Variants in MAP2 observed in about 807,000 individuals in gnomAD.
MAP2 encodes microtubule-associated protein 2.
Under a neutral mutation model 137.6 loss-of-function variants are expected in MAP2, and 14 were observed. The observed-to-expected ratio is 0.10, with a 90% CI of 0.07 to 0.16. The LOEUF (loss-of-function observed/expected upper bound fraction) is 0.16, where lower values mean the gene tolerates loss of function less well. MAP2 is among the 10% of genes least tolerant of loss of function. The pLI is 1.00. For synonymous variants in MAP2, 786 were observed against 782.3 expected (o/e 1.00, Z -0.08); for missense variants, 2,088 against 2,191.5 (o/e 0.95, Z 0.94).
At chr2:209,637,582 A>G (rs1300683891) in intron 4 of MAP2, among the ~76,000 whole-genome samples, 1 of 152,148 alleles carries the variant, frequency 6.6e-6, no homozygotes, top group East Asian at 1.9e-4. Flanking sequence ...AATGGGAGCG[A>G]TCAGTCCACA....
chr2:209,730,753 C>T lies in MAP2; in HGVS notation c.*356C>T, dbSNP rs1443285851. The T allele has an allele frequency of 5.1e-6, 1 of 196,122 alleles. No homozygotes were observed. The highest frequency in any genetic ancestry group is 1.1e-5 in the Non-Finnish European group (1 of 95,194). 12.1% of individuals were successfully genotyped at this position (196,122 alleles called of 1,614,324 possible). ...AGGCCTTGTTAAAATCCAAGCTGCT[C>T]ATTTCACTATTCTGTTTCTGAGTGA... On this transcript the variant is annotated 3_prime_UTR_variant, in exon 16 of 16. Coordinates refer to ENST00000682079, the MANE Select transcript of MAP2 (RefSeq NM_001375505.1).
chr2:209,449,098 CTAG>C (rs1699764765), intron 1 of MAP2, among the ~76,000 whole-genome samples: 1 of 152,106 alleles, frequency 6.6e-6, no homozygotes, highest in Non-Finnish European at 1.5e-5. Flanking sequence ...TGATTTTTTT[CTAG>C]GCATTAGAAT....
chr2:209,516,506 A>G (rs961109909), intron 2 of MAP2, among the ~76,000 whole-genome samples: 2 of 152,138 alleles, frequency 1.3e-5, no homozygotes, highest in Non-Finnish European at 2.9e-5. Flanking sequence ...AGACCAATAG[A>G]GGAGAATCAG....
intron 7 of MAP2, among the ~76,000 whole-genome samples, chr2:209,685,727 A>G (rs1300485952): frequency 6.6e-6 from 1 of 152,220 alleles, no homozygotes; most frequent in Admixed American, 6.5e-5. Context: ...TTTTCAGAAT[A>G]GAAAATACCA....
chr2:209,631,374 A>T (rs977563640), intron 4 of MAP2, among the ~76,000 whole-genome samples: 1 of 152,126 alleles, frequency 6.6e-6, no homozygotes, highest in Non-Finnish European at 1.5e-5. Context: ...TGAGTTTGGG[A>T]TGCTTTAAAA....
intron 1 of MAP2, among the ~76,000 whole-genome samples, chr2:209,452,907 C>T (rs1414973186): frequency 6.6e-6 from 1 of 152,038 alleles, no homozygotes; most frequent in African/African-American, 2.4e-5. Context: ...CACTATTGAT[C>T]TTTTATATAT....
intron 7 of MAP2, 102 bp downstream of exon 7, chr2:209,680,929 A>C: frequency 1.3e-6 from 1 of 761,982 alleles, no homozygotes; most frequent in Middle Eastern, 2.5e-4. Context: ...GTATGTGACC[A>C]AGCTTTGGAG....
At chr2:209,577,372 C>T (rs2075524231) in intron 2 of MAP2, among the ~76,000 whole-genome samples, 1 of 151,902 alleles carries the variant, frequency 6.6e-6, no homozygotes, top group Admixed American at 6.6e-5. Flanking sequence ...ATGATGGTGG[C>T]AGCAACTGTC....
intron 2 of MAP2, among the ~76,000 whole-genome samples, chr2:209,545,247 T>A (rs576830310): frequency 1.3e-5 from 2 of 152,230 alleles, no homozygotes; most frequent in African/African-American, 4.8e-5. Flanking sequence ...ACCATCTGTC[T>A]GTGCTTAAGA....
chr2:209,677,230 C>T (rs994295258), intron 5 of MAP2, among the ~76,000 whole-genome samples: 12 of 151,916 alleles, frequency 7.9e-5, no homozygotes, highest in African/African-American at 2.9e-4. Flanking sequence ...GTGAAAAATT[C>T]TATTCCAACA....
At chr2:209,623,257 G>T (rs977468781) in intron 3 of MAP2, among the ~76,000 whole-genome samples, 2 of 152,160 alleles carry the variant, frequency 1.3e-5, no homozygotes, top group African/African-American at 4.8e-5. Context: ...CGTGGGAGTG[G>T]CTATGTGCCA....
chr2:209,549,090 G>A (rs1012519144), intron 2 of MAP2, among the ~76,000 whole-genome samples: 10 of 152,134 alleles, frequency 6.6e-5, no homozygotes, highest in South Asian at 2.1e-4. Context: ...ATGTTCAGCC[G>A]TCACATCTAT....
chr2:209,440,031 T>C (rs1462221098), intron 1 of MAP2, among the ~76,000 whole-genome samples: 1 of 151,558 alleles, frequency 6.6e-6, no homozygotes, highest in Non-Finnish European at 1.5e-5. Context: ...CACATAATTT[T>C]TATGGAATAG....
intron 4 of MAP2, among the ~76,000 whole-genome samples, chr2:209,631,005 C>CAAAAAAAAAAAAAA (rs776266690): frequency 0.012 from 507 of 42,138 alleles, 217 homozygotes; most frequent in Non-Finnish European, 0.019. Context: ...GAGCTACAAG[C>CAAAAAAAAAAAAAA]AAAAAAAAAA....
intron 5 of MAP2, among the ~76,000 whole-genome samples, chr2:209,673,264 A>G (rs1446402337): frequency 6.6e-6 from 1 of 151,766 alleles, no homozygotes; most frequent in Non-Finnish European, 1.5e-5. Flanking sequence ...TTGTGAGCAG[A>G]TCCAAGTTGT....
At chr2:209,573,266 T>C (rs1160113425) in intron 2 of MAP2, among the ~76,000 whole-genome samples, 1 of 150,630 alleles carries the variant, frequency 6.6e-6, no homozygotes, top group African/African-American at 2.4e-5. Context: ...TTTATCTTTC[T>C]TTTTTTTTCT....
At chr2:209,703,963 AT>A (rs1334818385) in intron 11 of MAP2, 1 of 455,454 alleles carries the variant, frequency 2.2e-6, no homozygotes, top group East Asian at 7.0e-5. Flanking sequence ...TGTATAACAG[AT>A]TTTTTATTTT....
chr2:209,483,370 A>C (rs1049821488), intron 1 of MAP2, among the ~76,000 whole-genome samples: 2 of 152,196 alleles, frequency 1.3e-5, no homozygotes, highest in African/African-American at 4.8e-5. Flanking sequence ...GTTTAAAAAA[A>C]GGTATTTAGC....
intron 5 of MAP2, among the ~76,000 whole-genome samples, chr2:209,664,099 T>G (rs959509531): frequency 2.0e-5 from 3 of 152,262 alleles, no homozygotes; most frequent in African/African-American, 7.2e-5. Flanking sequence ...ATCATTTTAC[T>G]GAGGTTACTT....
Sources: gnomAD v4.1 joint callset for allele counts (sites outside exome capture counted in the v4.1 genomes callset) on GRCh38, gnomAD v4.1.1 for gene constraint, MANE v1.5 for transcripts, NCBI Gene and HGNC (gene_info 2026-07-23, HGNC 2026-07-21) for gene names.